The following CNIH3 variants were observed in gnomAD, a reference collection of about 807,000 sequenced individuals.
CNIH3 encodes protein cornichon homolog 3.
A neutral mutation model predicts 24.1 loss-of-function variants in CNIH3; 14 were observed. The observed-to-expected ratio is 0.58, with a 90% CI of 0.38 to 0.91. The LOEUF is 0.91. Ranked by LOEUF, CNIH3 falls within the 40% of genes least tolerant of loss-of-function variation. The pLI is 0.00. For missense variants in CNIH3, 178 were observed against 196.8 expected, an observed-to-expected ratio of 0.90 and a Z score of 0.57; for synonymous variants, 68 against 73.8, an observed-to-expected ratio of 0.92 and a Z score of 0.40.
chr1:224,693,910 A>G (rs552466220), intron 3 of CNIH3, among the ~76,000 whole-genome samples: 3 of 152,382 alleles, frequency 2.0e-5, no homozygotes, highest in Non-Finnish European at 1.5e-5. Context: ...GATCTGCTCC[A>G]GTAGTTCTTG....
Position 224,684,693 on chromosome 1 carries a change from T to TG in CNIH3, c.151-101dup. 2.0e-6 allele frequency: 2 copies of TG among 1,002,970 alleles called. No individual in the cohort carries two copies. The allele number at this position is 1,002,970 out of a possible 1,614,324, so 62.1% of individuals were successfully genotyped here. The stretch of plus-strand genomic sequence containing the variant: ...CCATGTGCCCAGGAGGGGTCTCTGG[T>TG]GGCTTCTGCCTCCACTATTGGGGCT... On this transcript the variant is annotated intron_variant, in intron 2 of 5. Transcript: ENST00000272133. The surrounding 1 kb of genome is among the most constrained non-coding windows in gnomAD (Gnocchi z 4.2).
intron 3 of CNIH3, among the ~76,000 whole-genome samples, chr1:224,713,067 A>G (rs749222551): frequency 2.0e-5 from 3 of 152,226 alleles, no homozygotes; most frequent in Non-Finnish European, 4.4e-5. Context: ...AAAAAAGCCA[A>G]GCATGCTTAA....
At chr1:224,452,761 A>G (rs376785461) in intron 1 of CNIH3, among the ~76,000 whole-genome samples, 60 of 145,702 alleles carry the variant, frequency 4.1e-4, no homozygotes, top group East Asian at 1.9e-3. Context: ...CAGCCTGGGC[A>G]ACAGAGCGAA....
intron 4 of CNIH3, among the ~76,000 whole-genome samples, chr1:224,731,697 G>C (rs1558346661): frequency 6.6e-6 from 1 of 152,264 alleles, no homozygotes; most frequent in Non-Finnish European, 1.5e-5. Context: ...TAGTGGTGGA[G>C]GGAAATATGT....
intron 1 of CNIH3, among the ~76,000 whole-genome samples, chr1:224,463,893 C>T (rs565974859): frequency 2.1e-5 from 3 of 144,304 alleles, no homozygotes; most frequent in African/African-American, 7.7e-5. Flanking sequence ...TGGGTTCAAG[C>T]CATTCTCCTG....
chr1:224,474,979 G>C (rs537415810), intron 1 of CNIH3, among the ~76,000 whole-genome samples: 2 of 145,102 alleles, frequency 1.4e-5, no homozygotes, highest in South Asian at 2.2e-4. Context: ...CGGGAGGCGG[G>C]GCTTGCAGTG....
chr1:224,643,318 A>G (rs2125094825), intron 1 of CNIH3, among the ~76,000 whole-genome samples: 1 of 152,382 alleles, frequency 6.6e-6, no homozygotes, highest in Non-Finnish European at 1.5e-5. Flanking sequence ...CTGTGTCTAC[A>G]GTGCATTTTA....
At chr1:224,470,215 T>G (rs558009970) in intron 1 of CNIH3, among the ~76,000 whole-genome samples, 1 of 152,198 alleles carries the variant, frequency 6.6e-6, no homozygotes, top group East Asian at 1.9e-4. Context: ...AGACGGGGTT[T>G]CACTGTGTTA....
Position 224,718,798 on chromosome 1 carries a change from T to G in CNIH3, c.199-11664T>G, listed in dbSNP as rs1016950549. ...TCGTGGCAGTTTGTCATAGTGATTC[T>G]CAAGACTCAGAGATGGCCCCAGGTG... On this transcript the variant is annotated intron_variant, in intron 3 of 5. Transcript: ENST00000272133. 4 of 152,328 alleles carry G rather than the reference T, an allele frequency of 2.6e-5. 1 individual carries two copies. In the East Asian group the frequency reaches 7.7e-4, roughly 29 times the overall value. The allele number at this position is 152,328 out of a possible 1,614,324, so 9.4% of individuals were successfully genotyped here. A position where few individuals can be genotyped will look rare whatever the true frequency, so the allele number is the denominator to read the frequency against.
chr1:224,571,573 A>G (rs890526656), intron 4 of CNIH3, among the ~76,000 whole-genome samples: 1 of 151,912 alleles, frequency 6.6e-6, no homozygotes, highest in Admixed American at 6.6e-5. Flanking sequence ...AAAAATACAA[A>G]AATTAACCGG....
At chr1:224,737,909 A>G (rs1689676729) in intron 5 of CNIH3, among the ~76,000 whole-genome samples, 1 of 152,218 alleles carries the variant, frequency 6.6e-6, no homozygotes, top group Admixed American at 6.5e-5. Context: ...GCAGATACTA[A>G]TACTAGCTAG....
At position 224,561,186 on chromosome 1, in the gene CNIH3, C is replaced by G. The variant is rs117737461; in HGVS notation, n.451-5013C>G. Among the ~76,000 whole-genome samples the G allele has an allele frequency of 9.5e-4, 145 of 152,178 alleles. 1 individual carries two copies. In the East Asian group the frequency reaches 0.024, roughly 25 times the overall value. On this transcript the variant is annotated intron_variant and non_coding_transcript_variant, in intron 3 of 5. Coordinates refer to the CNIH3 transcript ENST00000471578. ...ACTTTCCCACTTTTGTTTGTCTTTT[C>G]ACTCTTCTACTTATCAAAACAGAAG...
In CNIH3 at chr1:224,655,032, AT is replaced by A. The variant is rs200148897; in HGVS notation, c.82-25923del. On this transcript the variant is annotated intron_variant, in intron 1 of 5. Transcript: ENST00000272133. ...TTGAGGAAAGTTTAATGAAGGGACT[AT>A]TTACAGAGGAGGTATAGGGTTAAAA... is the stretch of plus-strand genomic sequence containing the variant. 6.1e-3 allele frequency among the ~76,000 whole-genome samples: 924 copies of A among 152,310 alleles called. 10 individuals carry two copies. Among genetic ancestry groups the A allele is most frequent in the African/African-American group, 0.021 (869 of 41,552 alleles).
chr1:224,727,801 G>T (rs1689113693), intron 3 of CNIH3, among the ~76,000 whole-genome samples: 1 of 152,124 alleles, frequency 6.6e-6, no homozygotes, highest in Non-Finnish European at 1.5e-5. Context: ...AATTGGAGGA[G>T]CCTCTTCTAC....
intron 3 of CNIH3, among the ~76,000 whole-genome samples, chr1:224,700,026 GT>G (rs760594028): frequency 3.3e-5 from 5 of 152,170 alleles, no homozygotes; most frequent in Admixed American, 6.5e-5. Context: ...AGGTGGATGT[GT>G]TGTCCAGCCC....
chr1:224,691,575 G>A (rs1385033762), intron 3 of CNIH3, among the ~76,000 whole-genome samples: 1 of 152,234 alleles, frequency 6.6e-6, no homozygotes, highest in East Asian at 1.9e-4. Flanking sequence ...GGCCAAGCCT[G>A]CTAGAGCCAG....
At chr1:224,690,660 C>T (rs370140975) in intron 3 of CNIH3, among the ~76,000 whole-genome samples, 5 of 152,320 alleles carry the variant, frequency 3.3e-5, no homozygotes, top group East Asian at 1.9e-4. Context: ...AAGGATTTGT[C>T]CAGTCCCACT....
intron 1 of CNIH3, among the ~76,000 whole-genome samples, chr1:224,648,997 C>T (rs1431660638): frequency 6.6e-6 from 1 of 152,198 alleles, no homozygotes; most frequent in Non-Finnish European, 1.5e-5. Flanking sequence ...GAATCCCTGG[C>T]TTCTTCAGCC....
At chr1:224,678,560 G>A (rs1193507858) in intron 1 of CNIH3, among the ~76,000 whole-genome samples, 1 of 152,162 alleles carries the variant, frequency 6.6e-6, no homozygotes, top group East Asian at 1.9e-4. Context: ...AATGGTTGGA[G>A]AGATTTAGCT....
Sources: allele counts gnomAD v4.1 joint callset (sites outside exome capture counted in the v4.1 genomes callset), GRCh38; gene constraint gnomAD v4.1.1; non-coding constraint Gnocchi (gnomAD v3.1); transcripts MANE v1.5; gene names NCBI Gene and HGNC (gene_info 2026-07-23, HGNC 2026-07-21).